CACNB4: variants seen among roughly 807,000 people sequenced by gnomAD.
The protein encoded by CACNB4 is voltage-dependent L-type calcium channel subunit beta-4.
CACNB4 carries 32 observed loss-of-function variants against 71.2 expected under a neutral mutation model. That is an observed-to-expected ratio of 0.45 (90% CI 0.34 to 0.60). The LOEUF (loss-of-function observed/expected upper bound fraction) is 0.60. Among genes scored for constraint, CACNB4 ranks in the 20% least tolerant of loss-of-function variants. CACNB4 has a pLI of 0.01. For missense variants in CACNB4, 464 were observed against 647.9 expected (o/e 0.72, Z 3.08); for synonymous variants, 231 against 236.9 (o/e 0.97, Z 0.23).
At chr2:152,082,668 G>A (rs553891077) in intron 2 of CACNB4, among the ~76,000 whole-genome samples, 1 of 152,180 alleles carries the variant, frequency 6.6e-6, no homozygotes, top group Non-Finnish European at 1.5e-5. Flanking sequence ...GAAAACAGAG[G>A]CCTTAAGAAG....
chr2:151,987,324 T>TG (rs1681429198), intron 2 of CACNB4, among the ~76,000 whole-genome samples: 2 of 152,036 alleles, frequency 1.3e-5, no homozygotes, highest in African/African-American at 2.4e-5. Context: ...CGTAGCTCAG[T>TG]GGGGGGCAGC....
chr2:151,989,466 T>C (rs1330014133), intron 2 of CACNB4, among the ~76,000 whole-genome samples: 1 of 152,234 alleles, frequency 6.6e-6, no homozygotes, highest in African/African-American at 2.4e-5. Context: ...CCTCTGACAC[T>C]ATTGACCTTT....
intron 2 of CACNB4, among the ~76,000 whole-genome samples, chr2:151,984,856 A>T (rs765249078): frequency 2.0e-5 from 3 of 152,108 alleles, no homozygotes; most frequent in African/African-American, 7.2e-5. Flanking sequence ...TATTTCAGCC[A>T]CTCATTATAC....
At chr2:151,874,440 C>G (rs954628099) in intron 5 of CACNB4, among the ~76,000 whole-genome samples, 2 of 150,542 alleles carry the variant, frequency 1.3e-5, no homozygotes, top group African/African-American at 4.9e-5. Context: ...TGCACTCCAG[C>G]CTGGGCGACA....
At chr2:151,881,111 C>T (rs1052464711) in intron 3 of CACNB4, among the ~76,000 whole-genome samples, 189 bp from the exon 4 acceptor site, 6 of 152,034 alleles carry the variant, frequency 3.9e-5, no homozygotes, top group African/African-American at 1.4e-4. Flanking sequence ...TCCTATCAGC[C>T]CAACCATTTT....
At chr2:151,945,706 G>A (rs1461476185) in intron 2 of CACNB4, among the ~76,000 whole-genome samples, 1 of 151,960 alleles carries the variant, frequency 6.6e-6, no homozygotes, top group African/African-American at 2.4e-5. Flanking sequence ...TACATAGCCC[G>A]TAGGGTTGTT....
At chr2:151,988,060 A>G (rs560180360) in intron 2 of CACNB4, among the ~76,000 whole-genome samples, 1 of 152,244 alleles carries the variant, frequency 6.6e-6, no homozygotes, top group Non-Finnish European at 1.5e-5. Flanking sequence ...TAAGATCTGA[A>G]GCTTAAGATG....
chr2:151,959,216 T>G (rs2099869042), intron 2 of CACNB4, among the ~76,000 whole-genome samples: 2 of 152,236 alleles, frequency 1.3e-5, no homozygotes, highest in Non-Finnish European at 2.9e-5. Context: ...TGTCCTCATT[T>G]TCTGCCGGAA....
At chr2:152,031,248 G>A (rs532806560) in intron 2 of CACNB4, among the ~76,000 whole-genome samples, 1 of 152,164 alleles carries the variant, frequency 6.6e-6, no homozygotes, top group Non-Finnish European at 1.5e-5. Context: ...ACCCCACAAA[G>A]GACACTTCAC....
At chr2:152,029,737 T>A (rs1684180111) in intron 2 of CACNB4, among the ~76,000 whole-genome samples, 1 of 152,032 alleles carries the variant, frequency 6.6e-6, no homozygotes, top group African/African-American at 2.4e-5. Context: ...CAGAGCCTCA[T>A]GAAAGTGATT....
chr2:151,890,250 T>G (rs1031009161), intron 2 of CACNB4, among the ~76,000 whole-genome samples: 1 of 152,210 alleles, frequency 6.6e-6, no homozygotes, highest in Admixed American at 6.5e-5. Flanking sequence ...CTCACTCTTA[T>G]TGGATGGAAG....
chr2:151,877,697 C>A (rs1244402821), intron 4 of CACNB4, among the ~76,000 whole-genome samples: 1 of 152,182 alleles, frequency 6.6e-6, no homozygotes, highest in Non-Finnish European at 1.5e-5. Context: ...CCTACACTTA[C>A]AAAGTCTGAG....
chr2:152,061,432 C>G (rs1280489509), intron 2 of CACNB4, among the ~76,000 whole-genome samples: 1 of 152,042 alleles, frequency 6.6e-6, no homozygotes, highest in Non-Finnish European at 1.5e-5. Context: ...ATAGTAACAT[C>G]TAGACTGCAA....
chr2:151,944,606 A>G (rs1236452617), intron 2 of CACNB4, among the ~76,000 whole-genome samples: 2 of 152,168 alleles, frequency 1.3e-5, no homozygotes, highest in African/African-American at 4.8e-5. Context: ...AGCCTGGCCA[A>G]CATGGAGAAA....
intron 9 of CACNB4, among the ~76,000 whole-genome samples, chr2:151,862,892 A>C (rs1445404749): frequency 6.6e-6 from 1 of 152,160 alleles, no homozygotes; most frequent in African/African-American, 2.4e-5. Flanking sequence ...TCAAGCATGG[A>C]TGCACAGTCA....
At chr2:152,035,626 T>TCC (rs1684531038) in intron 2 of CACNB4, among the ~76,000 whole-genome samples, 1 of 81,916 alleles carries the variant, frequency 1.2e-5, no homozygotes, top group African/African-American at 5.4e-5. Context: ...TCTCCCTCCC[T>TCC]CTCCCTCTCT....
chr2:151,982,511 G>A (rs906760594), intron 2 of CACNB4, among the ~76,000 whole-genome samples: 1 of 151,950 alleles, frequency 6.6e-6, no homozygotes, highest in Non-Finnish European at 1.5e-5. Flanking sequence ...GCTGGCGCCT[G>A]TAGTCCCAGC....
chr2:152,006,332 C>T (rs1277760988), intron 2 of CACNB4, among the ~76,000 whole-genome samples: 1 of 152,148 alleles, frequency 6.6e-6, no homozygotes, highest in Admixed American at 6.5e-5. Flanking sequence ...TTGTTACCTG[C>T]TGGCCTCTGA....
intron 2 of CACNB4, among the ~76,000 whole-genome samples, chr2:152,011,180 T>A (rs1448427057): frequency 1.3e-5 from 2 of 152,196 alleles, no homozygotes; most frequent in African/African-American, 4.8e-5. Context: ...CCACCTATCA[T>A]TGAGATGAAG....
Sources: gnomAD v4.1 joint callset for allele counts (sites outside exome capture counted in the v4.1 genomes callset) on GRCh38, gnomAD v4.1.1 for gene constraint, MANE v1.5 for transcripts, NCBI Gene and HGNC (gene_info 2026-07-23, HGNC 2026-07-21) for gene names.